Variants in KLHL6 observed in about 807,000 individuals in gnomAD.
KLHL6 encodes kelch like family member 6.
KLHL6 carries 41 observed loss-of-function variants against 58.6 expected under a neutral mutation model. The ratio of observed to expected loss-of-function variants is 0.70; its 90% CI spans 0.55 to 0.91. KLHL6 has a LOEUF of 0.91. KLHL6 is among the 40% of genes least tolerant of loss of function. The pLI is 0.00. For synonymous variants in KLHL6, 338 were observed against 322.7 expected, an observed-to-expected ratio of 1.05 and a Z score of -0.51; for missense variants, 714 against 805.6, an observed-to-expected ratio of 0.89 and a Z score of 1.38.
chr3:183,519,052 A>G (rs977966785), intron 2 of KLHL6, among the ~76,000 whole-genome samples: 3 of 152,234 alleles, frequency 2.0e-5, no homozygotes, highest in Non-Finnish European at 2.9e-5. Flanking sequence ...CCGAGCTGAA[A>G]GCAGAAAAGC....
intron 1 of KLHL6, among the ~76,000 whole-genome samples, chr3:183,539,070 G>A (rs1209294775): frequency 1.3e-5 from 2 of 152,136 alleles, no homozygotes; most frequent in African/African-American, 4.8e-5. Flanking sequence ...AGGTGTCCCT[G>A]GCTCCGACTC....
At chr3:183,555,080 G>A (rs980543404) in intron 1 of KLHL6, among the ~76,000 whole-genome samples, 2 of 152,064 alleles carry the variant, frequency 1.3e-5, no homozygotes, top group Non-Finnish European at 2.9e-5. Flanking sequence ...CAGGAGAATC[G>A]CTTGAACCCA....
At chr3:183,530,783 T>C (rs919151012) in intron 1 of KLHL6, among the ~76,000 whole-genome samples, 3 of 151,758 alleles carry the variant, frequency 2.0e-5, no homozygotes, top group Non-Finnish European at 4.4e-5. Flanking sequence ...GTCAGACTTC[T>C]TGGATTTGAC....
At chr3:183,504,046 A>G (rs1268194340) in intron 3 of KLHL6, among the ~76,000 whole-genome samples, 3 of 152,118 alleles carry the variant, frequency 2.0e-5, no homozygotes, top group African/African-American at 7.2e-5. Context: ...GAAGATGAGA[A>G]AGTGCCTTGA....
chr3:183,519,617 G>A (rs1711675274), intron 2 of KLHL6, among the ~76,000 whole-genome samples: 1 of 152,016 alleles, frequency 6.6e-6, no homozygotes, highest in African/African-American at 2.4e-5. Context: ...GACGACCACA[G>A]TGCTCATGCC....
At chr3:183,539,608 C>T (rs1338106667) in intron 1 of KLHL6, among the ~76,000 whole-genome samples, 1 of 151,672 alleles carries the variant, frequency 6.6e-6, no homozygotes, top group Non-Finnish European at 1.5e-5. Context: ...TCTCGGGAGG[C>T]TGAGGCAGGA....
At position 183,488,877 on chromosome 3, in the gene KLHL6, G is replaced by C. The variant is rs1056496579; in HGVS notation, c.*3050C>G. 1.3e-5 allele frequency: 2 copies of C among 152,132 alleles called. No individual in the cohort carries two copies. Among genetic ancestry groups the C allele is most frequent in the Admixed American group, 6.5e-5 (1 of 15,272 alleles). The allele number at this position is 152,132 out of a possible 1,614,324, so 9.4% of individuals were successfully genotyped here. ...CTAGACCTTCTAACCAGGTGTATCT[G>C]TTCCCTACCCATGCCATTATTAGGA... On this transcript the variant is annotated 3_prime_UTR_variant, in exon 7 of 7. Transcript: ENST00000341319.
chr3:183,534,021 C>A (rs571733472), intron 1 of KLHL6, among the ~76,000 whole-genome samples: 88 of 78,156 alleles, frequency 1.1e-3, no homozygotes, highest in Non-Finnish European at 1.8e-3. Context: ...TCCTCAGCCA[C>A]AAACCCTCTT....
intron 3 of KLHL6, among the ~76,000 whole-genome samples, chr3:183,503,256 C>G (rs1717918630): frequency 6.6e-6 from 1 of 152,244 alleles, no homozygotes; most frequent in Non-Finnish European, 1.5e-5. Context: ...AGCCTCTGCT[C>G]CCCTTTCCCC....
At position 183,528,024 on chromosome 3, in the gene KLHL6, G is replaced by A; in HGVS notation, c.294-14C>T. On this transcript the variant is annotated splice_polypyrimidine_tract_variant and intron_variant, in intron 1 of 6. Coordinates refer to ENST00000341319, the MANE Select transcript of KLHL6 (RefSeq NM_130446.4). Reference sequence around the variant, plus strand: ...CAGAACATGGCCCTGGAAGAGAAATGTGTGAATGTGAATCGTGCCGAGACC... The same window carrying A: ...CAGAACATGGCCCTGGAAGAGAAATATGTGAATGTGAATCGTGCCGAGACC... The A allele has an allele frequency of 1.2e-6, 2 of 1,613,930 alleles. No homozygotes were observed. The highest frequency in any genetic ancestry group is 1.7e-6 in the Non-Finnish European group (2 of 1,179,924).
At chr3:183,532,438 C>T (rs1209842237) in intron 1 of KLHL6, among the ~76,000 whole-genome samples, 2 of 152,210 alleles carry the variant, frequency 1.3e-5, no homozygotes, top group Non-Finnish European at 2.9e-5. Context: ...CCCAAGCTGA[C>T]TAATACTGGC....
chr3:183,550,239 G>C (rs1483053665), intron 1 of KLHL6, among the ~76,000 whole-genome samples: 1 of 152,080 alleles, frequency 6.6e-6, no homozygotes, highest in African/African-American at 2.4e-5. Flanking sequence ...AGATGAGAAA[G>C]CTAGAGACTG....
intron 1 of KLHL6, among the ~76,000 whole-genome samples, chr3:183,538,345 C>T (rs1224628404): frequency 6.6e-6 from 1 of 152,086 alleles, no homozygotes; most frequent in South Asian, 2.1e-4. Flanking sequence ...TAAACAAATA[C>T]CCACACCTAT....
At chr3:183,505,131 A>G (rs907316463) in intron 3 of KLHL6, among the ~76,000 whole-genome samples, 2 of 152,220 alleles carry the variant, frequency 1.3e-5, no homozygotes, top group African/African-American at 4.8e-5. Flanking sequence ...GTCTGCAATT[A>G]TATGCAGGCT....
intron 1 of KLHL6, among the ~76,000 whole-genome samples, chr3:183,542,618 A>G (rs1420541199): frequency 6.6e-6 from 1 of 152,080 alleles, no homozygotes; most frequent in African/African-American, 2.4e-5. Context: ...GTAAGCTCCT[A>G]TAGCTCCCAT....
intron 2 of KLHL6, among the ~76,000 whole-genome samples, chr3:183,510,496 G>A (rs1329212051): frequency 6.6e-6 from 1 of 152,014 alleles, no homozygotes; most frequent in African/African-American, 2.4e-5. Flanking sequence ...AGCATTCCAG[G>A]GAACACATCC....
At position 183,492,022 on chromosome 3, in the gene KLHL6, C is replaced by T. The variant is rs764000391; in HGVS notation, c.1771G>A (p.Val591Ile). 1.9e-6 allele frequency: 3 copies of T among 1,613,072 alleles called. No individual in the cohort carries two copies. Among genetic ancestry groups the T allele is most frequent in the Admixed American group, 3.3e-5 (2 of 59,924 alleles). Reference protein sequence around the residue: ...PEAQKLTEECVLPRGVSHHGS... With the variant: ...PEAQKLTEECILPRGVSHHGS... ...TGGTGCGACACGCCCCGGGGCAGGA[C>T]GCACTCCTCTGTCAGTTTCTGGGCC... is the stretch of plus-strand genomic sequence containing the variant. The change falls in exon 7 of 7, where the codon GTC (valine) becomes ATC (isoleucine). Residue 591 changes from valine (V) to isoleucine (I), a missense_variant. Around this residue, in one of 2 missense-constraint regions of KLHL6, gnomAD observed 510 missense variants for 629.7 expected, o/e 0.81. Coordinates refer to ENST00000341319, the MANE Select transcript of KLHL6 (RefSeq NM_130446.4). This position sits in a 1 kb window ranked among gnomAD's most constrained non-coding sequence, Gnocchi z 5.9.
At chr3:183,516,037 A>G (rs943440849) in intron 2 of KLHL6, among the ~76,000 whole-genome samples, 5 of 152,246 alleles carry the variant, frequency 3.3e-5, no homozygotes, top group Admixed American at 6.5e-5. Context: ...TCACACTGCT[A>G]GGAGGCAGTA....
intron 1 of KLHL6, among the ~76,000 whole-genome samples, chr3:183,546,328 G>A (rs1712719032): frequency 6.6e-6 from 1 of 152,198 alleles, no homozygotes; most frequent in Admixed American, 6.5e-5. Context: ...CTAGCAAATA[G>A]TTTTGAATTG....
Sources: gnomAD v4.1 joint callset for allele counts (sites outside exome capture counted in the v4.1 genomes callset) on GRCh38, gnomAD v4.1.1 for gene constraint, gnomAD v4.1.1 regional missense constraint, Gnocchi (gnomAD v3.1) non-coding constraint, MANE v1.5 for transcripts, NCBI Gene and HGNC (gene_info 2026-07-23, HGNC 2026-07-21) for gene names.